The following LAMA2 variants were observed in gnomAD, a reference collection of about 807,000 sequenced individuals.
LAMA2 encodes laminin subunit alpha-2.
LAMA2 carries 269 observed loss-of-function variants against 364.8 expected under a neutral mutation model. The ratio of observed to expected loss-of-function variants is 0.74; its 90% CI spans 0.67 to 0.82. LAMA2 has a LOEUF of 0.82. Among genes scored for constraint, LAMA2 ranks in the 40% least tolerant of loss-of-function variants. The pLI, the probability that LAMA2 is intolerant of heterozygous loss-of-function variation, is 0.00. For synonymous variants in LAMA2, 1,379 were observed against 1,370.6 expected (o/e 1.01, Z -0.14); for missense variants, 3,807 against 3,873.2 (o/e 0.98, Z 0.45).
intron 1 of LAMA2, among the ~76,000 whole-genome samples, chr6:128,938,619 G>A (rs1779975997): frequency 6.6e-6 from 1 of 152,120 alleles, no homozygotes. Flanking sequence ...AAGGGTCAAA[G>A]CATTTGATGT....
At chr6:129,490,082 A>G (rs1390498251) in intron 56 of LAMA2, among the ~76,000 whole-genome samples, 2 of 152,228 alleles carry the variant, frequency 1.3e-5, no homozygotes, top group Non-Finnish European at 2.9e-5. Flanking sequence ...CATATTGGCA[A>G]TGTCCTTCTC....
At chr6:129,450,497 AT>A (rs1430240305) in intron 45 of LAMA2, among the ~76,000 whole-genome samples, 2 of 151,560 alleles carry the variant, frequency 1.3e-5, no homozygotes, top group African/African-American at 4.9e-5. Context: ...TAATTTTTGT[AT>A]TTTTAGTAGA....
At chr6:129,369,396 G>A (rs958859665) in intron 33 of LAMA2, among the ~76,000 whole-genome samples, 2 of 152,098 alleles carry the variant, frequency 1.3e-5, no homozygotes, top group African/African-American at 2.4e-5. Flanking sequence ...TAGCAACACC[G>A]AGGACAGGCC....
intron 12 of LAMA2, among the ~76,000 whole-genome samples, chr6:129,218,624 T>C (rs1464584262): frequency 6.6e-6 from 1 of 152,102 alleles, no homozygotes; most frequent in Non-Finnish European, 1.5e-5. Context: ...TTGACTATAA[T>C]AAAGAAATCC....
intron 1 of LAMA2, among the ~76,000 whole-genome samples, chr6:129,031,815 A>ATTTCT (rs59369709): frequency 0.61 from 91,358 of 150,432 alleles, 30,248 homozygotes; most frequent in East Asian, 0.95. Flanking sequence ...CCTGATATGA[A>ATTTCT]TTTCTTTTCT....
At chr6:129,220,759 A>G (rs1783770517) in intron 12 of LAMA2, among the ~76,000 whole-genome samples, 1 of 152,198 alleles carries the variant, frequency 6.6e-6, no homozygotes, top group Non-Finnish European at 1.5e-5. Context: ...AATGAGTACC[A>G]TAATTTAGTA....
intron 22 of LAMA2, among the ~76,000 whole-genome samples, chr6:129,307,553 A>G: frequency 6.6e-6 from 1 of 152,194 alleles, no homozygotes; most frequent in East Asian, 1.9e-4. Context: ...GTTGCAGCCT[A>G]GAAATTGCCT....
chr6:129,457,871 A>G (rs1199857207), intron 48 of LAMA2, among the ~76,000 whole-genome samples: 1 of 152,118 alleles, frequency 6.6e-6, no homozygotes, highest in Non-Finnish European at 1.5e-5. Context: ...CTCACATAGT[A>G]GAAAGAGTGA....
chr6:129,139,311 C>T (rs1442958499), intron 4 of LAMA2, among the ~76,000 whole-genome samples: 1 of 152,004 alleles, frequency 6.6e-6, no homozygotes, highest in Non-Finnish European at 1.5e-5. Flanking sequence ...TCTGTGGATT[C>T]CACATCCATG....
intron 24 of LAMA2, among the ~76,000 whole-genome samples, chr6:129,315,042 C>A (rs1774490694): frequency 1.3e-5 from 2 of 152,048 alleles, no homozygotes; most frequent in Non-Finnish European, 2.9e-5. Context: ...AAAAGAGGAA[C>A]CTTGTCCGGG....
intron 58 of LAMA2, among the ~76,000 whole-genome samples, chr6:129,499,937 G>A (rs1037718211): frequency 6.6e-6 from 1 of 151,794 alleles, no homozygotes; most frequent in African/African-American, 2.4e-5. Context: ...AGAGACAGAG[G>A]GGGGCAGGGG....
At chr6:129,105,957 A>G (rs771033182) in intron 4 of LAMA2, among the ~76,000 whole-genome samples, 2 of 152,162 alleles carry the variant, frequency 1.3e-5, no homozygotes, top group African/African-American at 4.8e-5. Flanking sequence ...CGTGGTTACC[A>G]TAGTGATTTT....
chr6:129,192,551 T>C (rs1238507851), intron 11 of LAMA2, 129 bp from the exon 12 acceptor site: 2 of 780,134 alleles, frequency 2.6e-6, no homozygotes, highest in African/African-American at 1.7e-5. Flanking sequence ...CAGGTTTTTT[T>C]CTAAATGTTT....
At chr6:129,134,625 T>C (rs1777677491) in intron 4 of LAMA2, among the ~76,000 whole-genome samples, 1 of 151,878 alleles carries the variant, frequency 6.6e-6, no homozygotes, top group African/African-American at 2.4e-5. Flanking sequence ...TTAGTTAGAG[T>C]CTCATAAGGA....
chr6:129,448,945 G>A (rs957781496), intron 45 of LAMA2, among the ~76,000 whole-genome samples: 5 of 152,122 alleles, frequency 3.3e-5, no homozygotes, highest in African/African-American at 9.7e-5. Flanking sequence ...ATTTCTTCTA[G>A]AGATATAGTA....
intron 4 of LAMA2, among the ~76,000 whole-genome samples, chr6:129,109,441 T>C (rs1183650669): frequency 1.3e-5 from 2 of 152,072 alleles, no homozygotes; most frequent in African/African-American, 2.4e-5. Context: ...TAGACATAGT[T>C]GAGATCCATT....
chr6:129,252,388 A>G lies in LAMA2; in HGVS notation c.2096+93A>G, dbSNP rs181040944. ...CAGGAGTGAATTTTTTAAGGCACCT[A>G]GGATTTGCTGTCTTCAAAGAGCAGA... On this transcript the variant is annotated intron_variant, in intron 14 of 64. Coordinates refer to ENST00000421865, the MANE Select transcript of LAMA2 (RefSeq NM_000426.4). 4.2e-5 allele frequency: 37 copies of G among 876,112 alleles called. No individual in the cohort carries two copies. The African/African-American group carries it at 5.5e-4, about 13-fold the overall frequency. 54.3% of individuals were successfully genotyped at this position (876,112 alleles called of 1,614,324 possible). A position where few individuals can be genotyped will look rare whatever the true frequency, so the allele number is the denominator to read the frequency against.
intron 22 of LAMA2, among the ~76,000 whole-genome samples, chr6:129,304,591 A>C (rs1773755302): frequency 6.6e-6 from 1 of 152,152 alleles, no homozygotes; most frequent in African/African-American, 2.4e-5. Context: ...TTAAGGTGAA[A>C]CCTTAGATCA....
intron 8 of LAMA2, chr6:129,158,821 A>T: frequency 6.2e-7 from 1 of 1,614,142 alleles, no homozygotes; most frequent in East Asian, 2.2e-5. Flanking sequence ...CATATTTCAT[A>T]CACCCTGAAG....
Sources: allele counts gnomAD v4.1 joint callset (sites outside exome capture counted in the v4.1 genomes callset), GRCh38; gene constraint gnomAD v4.1.1; transcripts MANE v1.5; gene names NCBI Gene and HGNC (gene_info 2026-07-23, HGNC 2026-07-21).